NXPH1: variants seen among roughly 807,000 people sequenced by gnomAD.
NXPH1 encodes the protein neurexophilin-1.
NXPH1 carries 5 observed loss-of-function variants against 23.7 expected under a neutral mutation model. The ratio of observed to expected loss-of-function variants is 0.21; its 90% confidence interval spans 0.11 to 0.44. The LOEUF is 0.44. Among genes scored for constraint, NXPH1 ranks in the 20% least tolerant of loss-of-function variants. The probability of loss-of-function intolerance (pLI) is 0.99; values close to 1 mark genes in which losing one functional copy is unlikely to be tolerated. For synonymous variants in NXPH1, 144 were observed against 122.2 expected (o/e 1.18, Z -1.18); for missense variants, 324 against 321.6 (o/e 1.01, Z -0.06).
intron 2 of NXPH1, among the ~76,000 whole-genome samples, chr7:8,729,578 T>A (rs1229583132): frequency 8.4e-5 from 11 of 131,336 alleles, no homozygotes; most frequent in Admixed American, 1.6e-4. Context: ...TCTTTATTTC[T>A]GCCTTCATTT....
At chr7:8,713,937 C>CTGG (rs1366798986) in intron 2 of NXPH1, among the ~76,000 whole-genome samples, 7 of 152,302 alleles carry the variant, frequency 4.6e-5, no homozygotes, top group Admixed American at 3.3e-4. Flanking sequence ...AGCACTGAGT[C>CTGG]TTGCTCAAGG....
chr7:8,487,762 C>T lies in NXPH1; in HGVS notation c.54+51995C>T, dbSNP rs188663081. 4.7e-3 allele frequency among the ~76,000 whole-genome samples: 717 copies of T among 152,196 alleles called. 5 individuals carry two copies. Among genetic ancestry groups the T allele is most frequent in the Middle Eastern group, 0.044 (13 of 294 alleles). ...GGAATTTGTTTAACAAGGGAAGCTT[C>T]CCCATTTGGAGTGAGACCGTGGGAC... On this transcript the variant is annotated intron_variant, in intron 2 of 2. Transcript: ENST00000405863.
intron 2 of NXPH1, among the ~76,000 whole-genome samples, chr7:8,639,523 A>G (rs762806934): frequency 3.9e-5 from 6 of 152,164 alleles, no homozygotes; most frequent in Admixed American, 6.5e-5. Context: ...TTGGCTGAAA[A>G]GTTGTACCTT....
At chr7:8,512,401 G>T (rs751942738) in intron 2 of NXPH1, among the ~76,000 whole-genome samples, 2 of 152,074 alleles carry the variant, frequency 1.3e-5, no homozygotes, top group Non-Finnish European at 2.9e-5. Flanking sequence ...TAAAGGTAAA[G>T]GAACTTACCT....
chr7:8,725,316 C>A (rs906693975), intron 2 of NXPH1, among the ~76,000 whole-genome samples: 2 of 151,868 alleles, frequency 1.3e-5, no homozygotes, highest in African/African-American at 4.8e-5. Context: ...ATGGCGAAAC[C>A]CTGTCTTGAC....
At chr7:8,654,842 G>C (rs1189515184) in intron 2 of NXPH1, among the ~76,000 whole-genome samples, 2 of 152,190 alleles carry the variant, frequency 1.3e-5, no homozygotes, top group Non-Finnish European at 2.9e-5. Context: ...AAGAAAGAAG[G>C]GGTTTGGGGC....
At chr7:8,491,571 C>G (rs146427512) in intron 2 of NXPH1, among the ~76,000 whole-genome samples, 1 of 152,114 alleles carries the variant, frequency 6.6e-6, no homozygotes, top group East Asian at 1.9e-4. Context: ...CTAGTAAAAA[C>G]ACAAATATTC....
At chr7:8,587,673 C>T (rs914325554) in intron 2 of NXPH1, among the ~76,000 whole-genome samples, 1 of 152,028 alleles carries the variant, frequency 6.6e-6, no homozygotes, top group African/African-American at 2.4e-5. Context: ...GTGTGATGTT[C>T]CCATCCCTGT....
chr7:8,587,748 T>C (rs565895952), intron 2 of NXPH1, among the ~76,000 whole-genome samples: 1 of 152,276 alleles, frequency 6.6e-6, no homozygotes, highest in South Asian at 2.1e-4. Flanking sequence ...TGGATTTCTG[T>C]TCCTGTGTTA....
intron 2 of NXPH1, among the ~76,000 whole-genome samples, chr7:8,614,003 T>C (rs1313798217): frequency 6.6e-6 from 1 of 151,936 alleles, no homozygotes; most frequent in Non-Finnish European, 1.5e-5. Context: ...TGTCTGTCCA[T>C]AATGTTTTTA....
intron 2 of NXPH1, among the ~76,000 whole-genome samples, chr7:8,446,402 G>C (rs1223721067): frequency 6.6e-6 from 1 of 152,052 alleles, no homozygotes; most frequent in Non-Finnish European, 1.5e-5. Context: ...AAATTTATGG[G>C]TCACAAAGAA....
intron 2 of NXPH1, among the ~76,000 whole-genome samples, chr7:8,472,257 G>A (rs1057299530): frequency 1.3e-5 from 2 of 152,126 alleles, no homozygotes; most frequent in African/African-American, 4.8e-5. Flanking sequence ...AGCCCTTGGG[G>A]ATTGTTTCCT....
At chr7:8,627,861 G>C (rs1465969170) in intron 2 of NXPH1, among the ~76,000 whole-genome samples, 1 of 152,038 alleles carries the variant, frequency 6.6e-6, no homozygotes, top group African/African-American at 2.4e-5. Context: ...AATAAAAAAA[G>C]CCTCTTTGGT....
intron 2 of NXPH1, among the ~76,000 whole-genome samples, chr7:8,635,141 T>C (rs1368197896): frequency 3.3e-5 from 5 of 152,284 alleles, no homozygotes; most frequent in Admixed American, 2.6e-4. Context: ...CCTAAAGTGC[T>C]GAATAAGATT....
chr7:8,564,648 G>A (rs1818508223), intron 2 of NXPH1, among the ~76,000 whole-genome samples: 1 of 151,820 alleles, frequency 6.6e-6, no homozygotes, highest in Non-Finnish European at 1.5e-5. Context: ...AAAAGAATAA[G>A]CATCACTTGA....
chr7:8,538,170 A>C (rs2128618126), intron 2 of NXPH1, among the ~76,000 whole-genome samples: 1 of 152,056 alleles, frequency 6.6e-6, no homozygotes, highest in Admixed American at 6.6e-5. Flanking sequence ...ATGTTCAATA[A>C]ATATTGATTC....
chr7:8,649,087 C>G (rs1223972362), intron 2 of NXPH1, among the ~76,000 whole-genome samples: 4 of 151,522 alleles, frequency 2.6e-5, no homozygotes, highest in African/African-American at 9.7e-5. Context: ...TTCATCTATT[C>G]CATATATTAT....
Position 8,435,707 on chromosome 7 carries a change from C to T in NXPH1, c.-7C>T. On this transcript the variant is annotated 5_prime_UTR_variant, in exon 2 of 3. Coordinates refer to ENST00000405863, the MANE Select transcript of NXPH1 (RefSeq NM_152745.3). The surrounding 1 kb of genome is among the most constrained non-coding windows in gnomAD (Gnocchi z 5.9). ...GGCACCGCCAAGGAAGTTTGAGACG[C>T]GGGAGAATGCAGGCTGCGTGCTGGT... The T allele has an allele frequency of 6.2e-7, 1 of 1,613,834 alleles. No individual in the cohort carries two copies. The highest frequency in any genetic ancestry group is 1.3e-5 in the African/African-American group (1 of 75,018).
At chr7:8,655,449 T>TAC (rs1250253804) in intron 2 of NXPH1, among the ~76,000 whole-genome samples, 5 of 46,388 alleles carry the variant, frequency 1.1e-4, no homozygotes, top group African/African-American at 2.0e-4. Context: ...TCTCTCTCTC[T>TAC]ATACACACAC....
Sources: allele counts gnomAD v4.1 joint callset (sites outside exome capture counted in the v4.1 genomes callset), GRCh38; gene constraint gnomAD v4.1.1; non-coding constraint Gnocchi (gnomAD v3.1); transcripts MANE v1.5; gene names NCBI Gene and HGNC (gene_info 2026-07-23, HGNC 2026-07-21).